GPC6: variants seen among roughly 807,000 people sequenced by gnomAD.
GPC6 encodes glypican 6.
GPC6 carries 14 observed loss-of-function variants against 55.2 expected under a neutral mutation model. That is an observed-to-expected ratio of 0.25 (90% CI 0.17 to 0.40). The LOEUF is 0.40. Ranked by LOEUF, GPC6 falls within the 10% of genes least tolerant of loss-of-function variation. The probability of loss-of-function intolerance (pLI) is 1.00; values close to 1 mark genes in which losing one functional copy is unlikely to be tolerated. For missense variants in GPC6, 641 were observed against 708.5 expected (o/e 0.90, Z 1.08); for synonymous variants, 278 against 259.6 (o/e 1.07, Z -0.68).
rs1301052659 is a variant in GPC6, at chr13:94,027,753, C to T, written c.736C>T (p.Arg246Cys). ...SKVSPTPGCI[R>C]ALMKMLYCPY... ...GGTCAGCCCAACCCCAGGGTGTATC[C>T]GTGCCCTCATGAAGATGCTGTACTG... The change falls in exon 4 of 9, where the codon CGT (arginine) becomes TGT (cysteine). Residue 246 changes from arginine to cysteine, a missense_variant. Coordinates refer to ENST00000377047, the MANE Select transcript of GPC6 (RefSeq NM_005708.5). 4.3e-6 allele frequency: 7 copies of T among 1,613,828 alleles called. No homozygotes were observed. Among genetic ancestry groups the T allele is most frequent in the Admixed American group, 1.7e-5 (1 of 59,980 alleles).
At chr13:93,549,259 T>A (rs1310420283) in intron 2 of GPC6, among the ~76,000 whole-genome samples, 1 of 152,166 alleles carries the variant, frequency 6.6e-6, no homozygotes, top group African/African-American at 2.4e-5. Flanking sequence ...AAAAGCATAT[T>A]AAAACGTAGA....
At chr13:94,318,220 A>C (rs1876636924) in intron 6 of GPC6, among the ~76,000 whole-genome samples, 1 of 152,138 alleles carries the variant, frequency 6.6e-6, no homozygotes, top group South Asian at 2.1e-4. Context: ...TGCTCTATCA[A>C]TTACTGAAAG....
chr13:94,045,253 G>A (rs1003073550), intron 4 of GPC6, among the ~76,000 whole-genome samples: 1 of 151,806 alleles, frequency 6.6e-6, no homozygotes, highest in Non-Finnish European at 1.5e-5. Context: ...ATTTCAAATC[G>A]AGTAGATAGA....
chr13:93,319,517 C>T (rs1007422311), intron 1 of GPC6, among the ~76,000 whole-genome samples: 2 of 152,000 alleles, frequency 1.3e-5, no homozygotes, highest in African/African-American at 4.8e-5. Context: ...CAAGAGAGAC[C>T]TTGTGAGAAC....
intron 2 of GPC6, among the ~76,000 whole-genome samples, chr13:93,698,408 T>A (rs993833545): frequency 6.6e-6 from 1 of 151,810 alleles, no homozygotes; most frequent in Non-Finnish European, 1.5e-5. Flanking sequence ...TTTGTTTTTA[T>A]CTTGGAAATG....
chr13:94,310,575 T>C (rs1005143118), intron 6 of GPC6, among the ~76,000 whole-genome samples: 6 of 152,180 alleles, frequency 3.9e-5, no homozygotes, highest in African/African-American at 1.2e-4. Flanking sequence ...AGTGTAAGCA[T>C]TGGTCTTATT....
intron 1 of GPC6, among the ~76,000 whole-genome samples, chr13:93,497,950 G>A (rs1303060857): frequency 2.6e-5 from 4 of 152,190 alleles, no homozygotes; most frequent in African/African-American, 9.7e-5. Flanking sequence ...TGTCTCAGAT[G>A]TGTTGGGGTA....
At chr13:93,822,318 T>C (rs999094033) in intron 2 of GPC6, among the ~76,000 whole-genome samples, 2 of 152,154 alleles carry the variant, frequency 1.3e-5, no homozygotes, top group African/African-American at 2.4e-5. Flanking sequence ...TGTGTTTGAT[T>C]TTCTTCTAGC....
At chr13:94,240,107 A>G (rs1306653722) in intron 4 of GPC6, among the ~76,000 whole-genome samples, 2 of 152,090 alleles carry the variant, frequency 1.3e-5, no homozygotes, top group Non-Finnish European at 2.9e-5. Context: ...CTGAAGTAGG[A>G]TGGACCCTCT....
chr13:93,560,938 AT>A (rs1875751033), intron 2 of GPC6, among the ~76,000 whole-genome samples: 1 of 152,154 alleles, frequency 6.6e-6, no homozygotes, highest in African/African-American at 2.4e-5. Context: ...CAGTAACTTC[AT>A]TTTTAAGCCT....
At chr13:94,394,608 G>A (rs1424166674) in intron 7 of GPC6, among the ~76,000 whole-genome samples, 1 of 152,102 alleles carries the variant, frequency 6.6e-6, no homozygotes, top group Non-Finnish European at 1.5e-5. Context: ...ATGCTGAGTG[G>A]GGCTTTCACA....
intron 4 of GPC6, among the ~76,000 whole-genome samples, chr13:94,155,456 C>A (rs188824056): frequency 2.1e-3 from 324 of 152,278 alleles, no homozygotes; most frequent in African/African-American, 7.6e-3. Flanking sequence ...TGAACAGTAA[C>A]CACCTTTCTC....
chr13:94,189,772 C>T (rs1013399224), intron 4 of GPC6, among the ~76,000 whole-genome samples: 2 of 151,734 alleles, frequency 1.3e-5, no homozygotes, highest in Non-Finnish European at 2.9e-5. Context: ...CTGTAATCCC[C>T]ACACTTTGGG....
At chr13:93,934,483 G>A (rs1724560195) in intron 3 of GPC6, among the ~76,000 whole-genome samples, 1 of 151,870 alleles carries the variant, frequency 6.6e-6, no homozygotes, top group South Asian at 2.1e-4. Flanking sequence ...CTGACCACTT[G>A]ACACTATACA....
At chr13:93,970,105 A>G (rs1356562942) in intron 3 of GPC6, among the ~76,000 whole-genome samples, 1 of 152,210 alleles carries the variant, frequency 6.6e-6, no homozygotes, top group Non-Finnish European at 1.5e-5. Context: ...TAAAAAATAA[A>G]AATCTTAAGA....
intron 2 of GPC6, among the ~76,000 whole-genome samples, chr13:93,622,665 A>G (rs1879008959): frequency 6.6e-6 from 1 of 152,194 alleles, no homozygotes; most frequent in African/African-American, 2.4e-5. Context: ...TTTATGGAGT[A>G]CAATCTAATG....
At chr13:93,904,053 T>C (rs1876502074) in intron 3 of GPC6, among the ~76,000 whole-genome samples, 1 of 152,000 alleles carries the variant, frequency 6.6e-6, no homozygotes, top group African/African-American at 2.4e-5. Context: ...GCAGAGAATA[T>C]GGATGACAAC....
intron 4 of GPC6, among the ~76,000 whole-genome samples, chr13:94,280,222 T>C (rs1431743963): frequency 6.6e-6 from 1 of 152,200 alleles, no homozygotes; most frequent in African/African-American, 2.4e-5. Flanking sequence ...TTTTGATCTT[T>C]GTTGGTTTAA....
intron 2 of GPC6, among the ~76,000 whole-genome samples, chr13:93,734,485 C>A (rs1284060965): frequency 6.6e-6 from 1 of 152,064 alleles, no homozygotes; most frequent in Non-Finnish European, 1.5e-5. Context: ...ACTGGAAAAC[C>A]ACTCCCTGTT....
Sources: allele counts gnomAD v4.1 joint callset (sites outside exome capture counted in the v4.1 genomes callset), GRCh38; gene constraint gnomAD v4.1.1; transcripts MANE v1.5; gene names NCBI Gene and HGNC (gene_info 2026-07-23, HGNC 2026-07-21).